The following ITGAE variants were observed in gnomAD, a reference collection of about 807,000 sequenced individuals.
ITGAE encodes the protein integrin subunit alpha E, also known as integrin alpha-E.
Under a neutral mutation model 136.5 loss-of-function variants are expected in ITGAE, and 99 were observed. That is an observed-to-expected ratio of 0.73 (90% CI 0.62 to 0.86). ITGAE has a LOEUF of 0.86. Among genes scored for constraint, ITGAE ranks in the 40% least tolerant of loss-of-function variants. The pLI, the probability that ITGAE is intolerant of heterozygous loss-of-function variation, is 0.00. For synonymous variants in ITGAE, 613 were observed against 591.8 expected, an observed-to-expected ratio of 1.04 and a Z score of -0.52; for missense variants, 1,447 against 1,515.3, an observed-to-expected ratio of 0.95 and a Z score of 0.75.
At chr17:3,765,500 C>T (rs544788647) in intron 2 of ITGAE, among the ~76,000 whole-genome samples, 6 of 152,196 alleles carry the variant, frequency 3.9e-5, no homozygotes, top group African/African-American at 1.2e-4. Flanking sequence ...AATATATTCA[C>T]GTATCGGCAT....
At chr17:3,766,982 C>T (rs929962412) in intron 2 of ITGAE, among the ~76,000 whole-genome samples, 7 of 152,174 alleles carry the variant, frequency 4.6e-5, no homozygotes, top group Admixed American at 3.3e-4. Context: ...GCACCAGCAA[C>T]CACTAAGTTC....
At chr17:3,752,064 C>T (rs1178926867) in intron 14 of ITGAE, among the ~76,000 whole-genome samples, 190 bp from the exon 15 acceptor site, 3 of 151,610 alleles carry the variant, frequency 2.0e-5, no homozygotes, top group African/African-American at 7.3e-5. Context: ...GGTGGGTGCC[C>T]ACTCCGTTGC....
intron 17 of ITGAE, among the ~76,000 whole-genome samples, chr17:3,747,570 A>G (rs951017292): frequency 6.6e-6 from 1 of 151,930 alleles, no homozygotes; most frequent in Admixed American, 6.6e-5. Context: ...TGGCCTCCCA[A>G]AGTGCTGGGA....
At chr17:3,724,447 C>T (rs138537888) in intron 26 of ITGAE, 1 of 1,613,682 alleles carries the variant, frequency 6.2e-7, no homozygotes, top group South Asian at 1.1e-5. Context: ...CTGTTCAGCT[C>T]TCTGGCCTCG....
chr17:3,775,188 T>C (rs1205370298), intron 2 of ITGAE, among the ~76,000 whole-genome samples: 1 of 152,132 alleles, frequency 6.6e-6, no homozygotes, highest in African/African-American at 2.4e-5. Flanking sequence ...TGGGCTCATG[T>C]GATCCACCCG....
chr17:3,761,424 G>C lies in ITGAE; in HGVS notation c.412C>G (p.Gln138Glu), dbSNP rs747342380. 4 of 1,613,442 alleles carry C rather than the reference G, an allele frequency of 2.5e-6. No homozygotes were observed. Among genetic ancestry groups the C allele is most frequent in the Non-Finnish European group, 3.4e-6 (4 of 1,179,752 alleles). The change falls in exon 5 of 31, where the codon CAG becomes GAG. Residue 138 changes from glutamine to glutamate, a missense_variant. Gln to Glu is a conservative substitution (Grantham distance 29). Around this residue, in one of 3 missense-constraint regions of ITGAE, gnomAD observed 310 missense variants for 416.1 expected, o/e 0.74. Coordinates refer to ENST00000263087, the MANE Select transcript of ITGAE (RefSeq NM_002208.5). Reference sequence around the variant, plus strand: ...TTACCAAGGTCGAAGAAGTTGGCCTGAGCCTGGGGACGGAGGTCAGGGCCC... The same window carrying C: ...TTACCAAGGTCGAAGAAGTTGGCCTCAGCCTGGGGACGGAGGTCAGGGCCC... ...LLGPDLRPQAQANFFDLENLL... is the reference protein window; with the variant it reads ...LLGPDLRPQAEANFFDLENLL...
rs1420568861 is a variant in ITGAE, at chr17:3,714,759, A to G, written c.*88T>C. 1 of 741,574 alleles carries G rather than the reference A, an allele frequency of 1.3e-6. No homozygotes were observed. The highest frequency in any genetic ancestry group is 2.4e-6 in the Non-Finnish European group (1 of 425,290). 45.9% of individuals were successfully genotyped at this position (741,574 alleles called of 1,614,324 possible). A position where few individuals can be genotyped will look rare whatever the true frequency, so the allele number is the denominator to read the frequency against. ...TACCAACAGCTCCATGCTGCTCTAG[A>G]TCATCCTGAAGGAAAAAGTAATGCA... On this transcript the variant is annotated 3_prime_UTR_variant, in exon 31 of 31. Coordinates refer to ENST00000263087, the MANE Select transcript of ITGAE (RefSeq NM_002208.5).
intron 26 of ITGAE, chr17:3,724,119 G>A (rs2051142451): frequency 1.3e-6 from 2 of 1,594,076 alleles, no homozygotes; most frequent in Non-Finnish European, 1.7e-6. Flanking sequence ...GCAGTCCGAC[G>A]ATCCTGACGA....
rs111908582 is a variant in ITGAE at position 3,755,298 on chromosome 17, G to A, written c.1240-37C>T. The A allele has an allele frequency of 8.9e-3, 13,517 of 1,520,846 alleles. 70 individuals are homozygous for A. The highest frequency in any genetic ancestry group is 0.01 in the Non-Finnish European group (11,660 of 1,139,484). 94.2% of individuals were successfully genotyped at this position (1,520,846 alleles called of 1,614,324 possible). A position where few individuals can be genotyped will look rare whatever the true frequency, so the allele number is the denominator to read the frequency against. ...GGGGATGGGGCCCAGATGAGTGGGA[G>A]GGACCCAAGGCCGGGCCACGGTGGC... is the stretch of plus-strand genomic sequence containing the variant. On this transcript the variant is annotated intron_variant, in intron 11 of 30. Coordinates refer to ENST00000263087, the MANE Select transcript of ITGAE (RefSeq NM_002208.5).
rs1357698727 is a variant in ITGAE, at chr17:3,787,181, G to A, written c.35-9521C>T. On this transcript the variant is annotated intron_variant, in intron 1 of 30. Coordinates refer to ENST00000263087, the MANE Select transcript of ITGAE (RefSeq NM_002208.5). ...GGCTGGAGTGCAGTGGTGTGATCTC[G>A]GCTCACTACAACCTCCGCCTCCCTG... Among the ~76,000 whole-genome samples the A allele has an allele frequency of 2.0e-5, 3 of 149,706 alleles. No homozygotes were observed. The East Asian group carries it at 6.0e-4, about 30-fold the overall frequency.
intron 28 of ITGAE, among the ~76,000 whole-genome samples, chr17:3,722,708 T>C (rs2051082120): frequency 6.6e-6 from 1 of 152,068 alleles, no homozygotes; most frequent in Non-Finnish European, 1.5e-5. Context: ...GTTGAAGAAT[T>C]AAGCAGAGAC....
At chr17:3,773,694 C>G (rs7217381) in intron 2 of ITGAE, among the ~76,000 whole-genome samples, 20,630 of 151,900 alleles carry the variant, frequency 0.14, 1,757 homozygotes, top group African/African-American at 0.24. Context: ...AGGCATGACT[C>G]ATTGAATCAC....
chr17:3,717,073 T>A (rs560362735), intron 29 of ITGAE: 154 of 349,608 alleles, frequency 4.4e-4, no homozygotes, highest in African/African-American at 3.1e-3. Flanking sequence ...CTGTTAAAGA[T>A]GCTCTGACAG....
intron 16 of ITGAE, among the ~76,000 whole-genome samples, chr17:3,749,294 G>A (rs575235740): frequency 1.2e-4 from 18 of 151,114 alleles, no homozygotes; most frequent in African/African-American, 3.9e-4. Context: ...TCGCTCTGTC[G>A]CCCAGGCTGG....
At chr17:3,725,663 C>G (rs201128707) in intron 26 of ITGAE, 2 of 1,595,564 alleles carry the variant, frequency 1.3e-6, no homozygotes, top group East Asian at 4.5e-5. Flanking sequence ...TCCTCAAAGC[C>G]TGGGATCACT....
At chr17:3,734,443 G>T (rs1376136633) in intron 21 of ITGAE, among the ~76,000 whole-genome samples, 1 of 152,208 alleles carries the variant, frequency 6.6e-6, no homozygotes, top group Non-Finnish European at 1.5e-5. Context: ...GCCACAGGGT[G>T]TCCTCGGGAA....
chr17:3,799,953 T>C lies in ITGAE; in HGVS notation c.34+1158A>G, dbSNP rs1177852196. On this transcript the variant is annotated intron_variant, in intron 1 of 30. Transcript: ENST00000263087. The surrounding 1 kb of genome is among the most constrained non-coding windows in gnomAD (Gnocchi z 4.1). ...GACCAATATGGTGAGACCCTGTCTC[T>C]ACTAAAAATACAAAAATTAGCCAGG... 6.6e-6 allele frequency among the ~76,000 whole-genome samples: 1 copy of C among 152,040 alleles called. No individual in the cohort carries two copies. The highest frequency in any genetic ancestry group is 1.5e-5 in the Non-Finnish European group (1 of 67,998).
At chr17:3,793,238 G>A (rs1256414737) in intron 1 of ITGAE, among the ~76,000 whole-genome samples, 1 of 152,082 alleles carries the variant, frequency 6.6e-6, no homozygotes, top group East Asian at 1.9e-4. Flanking sequence ...ATTTTTAGTA[G>A]AGATGGGGTT....
intron 17 of ITGAE, 124 bp downstream of exon 17, chr17:3,747,798 A>G: frequency 1.4e-6 from 1 of 691,024 alleles, no homozygotes; most frequent in Non-Finnish European, 2.3e-6. Flanking sequence ...AGGGATTTCA[A>G]GCACCAGGAC....
Sources: allele counts gnomAD v4.1 joint callset (sites outside exome capture counted in the v4.1 genomes callset), GRCh38; gene constraint gnomAD v4.1.1; regional missense constraint gnomAD v4.1.1; non-coding constraint Gnocchi (gnomAD v3.1); transcripts MANE v1.5; gene names NCBI Gene and HGNC (gene_info 2026-07-23, HGNC 2026-07-21).